The following LIN7A variants were observed in gnomAD, a reference collection of about 807,000 sequenced individuals.
LIN7A encodes the protein lin-7 cell polarity scaffold A, also known as protein lin-7 homolog A.
Under a neutral mutation model 29.8 loss-of-function variants are expected in LIN7A, and 25 were observed. The ratio of observed to expected loss-of-function variants is 0.84; its 90% CI spans 0.61 to 1.17. LIN7A has a LOEUF of 1.17. Ranked by LOEUF, LIN7A falls within the 50% of genes most tolerant of loss-of-function variation. LIN7A has a pLI of 0.00. For synonymous variants in LIN7A, 118 were observed against 107.5 expected, an observed-to-expected ratio of 1.10 and a Z score of -0.60; for missense variants, 239 against 287.0, an observed-to-expected ratio of 0.83 and a Z score of 1.21.
chr12:80,872,446 C>T (rs1874470027), intron 2 of LIN7A, among the ~76,000 whole-genome samples: 1 of 152,136 alleles, frequency 6.6e-6, no homozygotes, highest in Non-Finnish European at 1.5e-5. Flanking sequence ...GAATCACACT[C>T]ATAATTACAA....
chr12:80,816,272 C>T lies in LIN7A; in HGVS notation c.484-4589G>A, dbSNP rs368671440. ...ATTTTTATTTTTTAAATAGCTGGGG[C>T]GAGTGGCATGTGTCTGTGGTCCCAA... On this transcript the variant is annotated intron_variant, in intron 4 of 5. Coordinates refer to ENST00000552864, the MANE Select transcript of LIN7A (RefSeq NM_004664.4). Among the ~76,000 whole-genome samples, 17 of 151,944 alleles carry T rather than the reference C, an allele frequency of 1.1e-4. 1 individual carries two copies. Among genetic ancestry groups the T allele is most frequent in the Middle Eastern group, 3.4e-3 (1 of 294 alleles).
intron 3 of LIN7A, among the ~76,000 whole-genome samples, chr12:80,847,479 T>A (rs1333905466): frequency 6.6e-6 from 1 of 152,180 alleles, no homozygotes; most frequent in Non-Finnish European, 1.5e-5. Flanking sequence ...CACAAAATAA[T>A]TAAATGGAAA....
At chr12:80,924,403 G>A (rs1442314206) in intron 1 of LIN7A, among the ~76,000 whole-genome samples, 1 of 152,218 alleles carries the variant, frequency 6.6e-6, no homozygotes. Flanking sequence ...CCCCTGGGGA[G>A]AAGAGGTGGA....
At position 80,797,260 on chromosome 12, in the gene LIN7A, A is replaced by G. The variant is rs1006365209; in HGVS notation, c.*467T>C. The G allele has an allele frequency of 2.0e-5, 3 of 152,348 alleles. No homozygotes were observed. The highest frequency in any genetic ancestry group is 4.4e-5 in the Non-Finnish European group (3 of 68,040). 9.4% of individuals were successfully genotyped at this position (152,348 alleles called of 1,614,324 possible). On this transcript the variant is annotated 3_prime_UTR_variant, in exon 6 of 6. Coordinates refer to ENST00000552864, the MANE Select transcript of LIN7A (RefSeq NM_004664.4). ...GGAATTCCAATTCAGACAACTCAGCACTATGGATTGTGGAGCAGGTGAGGG... is the reference window on the plus strand; with the variant it reads ...GGAATTCCAATTCAGACAACTCAGCGCTATGGATTGTGGAGCAGGTGAGGG...
intron 5 of LIN7A, among the ~76,000 whole-genome samples, chr12:80,801,309 G>A (rs1031554158): frequency 6.6e-6 from 1 of 152,094 alleles, no homozygotes; most frequent in African/African-American, 2.4e-5. Flanking sequence ...AAGTGAAAGA[G>A]GGGGACAGAA....
chr12:80,873,806 AT>A (rs1053769845), intron 2 of LIN7A, among the ~76,000 whole-genome samples: 1 of 142,520 alleles, frequency 7.0e-6, no homozygotes, highest in African/African-American at 2.6e-5. Context: ...GGTATCTTAT[AT>A]TTTTTTTATT....
intron 5 of LIN7A, among the ~76,000 whole-genome samples, chr12:80,801,305 AAG>A (rs1870709375): frequency 6.6e-6 from 1 of 152,168 alleles, no homozygotes; most frequent in South Asian, 2.1e-4. Context: ...ACAAAAGTGA[AAG>A]AGGGGGACAG....
intron 1 of LIN7A, among the ~76,000 whole-genome samples, chr12:80,918,529 C>A (rs1432522923): frequency 6.6e-6 from 1 of 152,136 alleles, no homozygotes; most frequent in Non-Finnish European, 1.5e-5. Context: ...CATCTCCCTT[C>A]ATCTACTCTT....
chr12:80,889,025 C>G (rs1382852421), intron 2 of LIN7A, among the ~76,000 whole-genome samples: 1 of 152,090 alleles, frequency 6.6e-6, no homozygotes, highest in African/African-American at 2.4e-5. Context: ...GCAGTCCCTT[C>G]ATTGGTACCA....
chr12:80,854,576 C>G (rs1199951072), intron 2 of LIN7A, among the ~76,000 whole-genome samples: 1 of 146,084 alleles, frequency 6.8e-6, no homozygotes, highest in East Asian at 2.1e-4. Context: ...GAAAGCAGAT[C>G]AAAGGCTGCC....
At chr12:80,899,378 T>G (rs980361257) in intron 1 of LIN7A, among the ~76,000 whole-genome samples, 2 of 152,284 alleles carry the variant, frequency 1.3e-5, no homozygotes, top group South Asian at 4.1e-4. Context: ...CTGGAGTTAG[T>G]TTGTTTACAT....
chr12:80,824,850 G>A (rs981236888), intron 4 of LIN7A, among the ~76,000 whole-genome samples: 1 of 152,182 alleles, frequency 6.6e-6, no homozygotes, highest in Non-Finnish European at 1.5e-5. Flanking sequence ...AATCGGCATA[G>A]AAGGGACATA....
intron 1 of LIN7A, among the ~76,000 whole-genome samples, chr12:80,927,155 CTTTTTTTTTTTTT>C (rs929026269): frequency 1.3e-5 from 1 of 75,532 alleles, no homozygotes; most frequent in Non-Finnish European, 2.3e-5. Flanking sequence ...TTTTCTTTTT[CTTTTTTTTTTTTT>C]TTTTTTTTTT....
intron 4 of LIN7A, among the ~76,000 whole-genome samples, chr12:80,833,932 T>C (rs1252131069): frequency 6.6e-6 from 1 of 152,188 alleles, no homozygotes; most frequent in Non-Finnish European, 1.5e-5. Flanking sequence ...CTCCTCTAGA[T>C]TGCCATCTTT....
chr12:80,834,581 C>G (rs1215059340), intron 4 of LIN7A, among the ~76,000 whole-genome samples: 2 of 152,078 alleles, frequency 1.3e-5, no homozygotes, highest in Non-Finnish European at 2.9e-5. Flanking sequence ...TTGAAACAGC[C>G]CATACCTCCT....
chr12:80,843,056 T>A (rs944209574), intron 4 of LIN7A, among the ~76,000 whole-genome samples: 13 of 152,170 alleles, frequency 8.5e-5, no homozygotes, highest in African/African-American at 3.1e-4. Flanking sequence ...GATGCTTTAC[T>A]TATTAGCAAG....
chr12:80,838,795 C>T (rs1476873524), intron 4 of LIN7A, among the ~76,000 whole-genome samples: 5 of 152,192 alleles, frequency 3.3e-5, no homozygotes, highest in Non-Finnish European at 7.3e-5. Context: ...TATAGGGGAA[C>T]TGAAGACTGA....
intron 1 of LIN7A, among the ~76,000 whole-genome samples, chr12:80,926,772 A>G (rs1250734903): frequency 1.3e-5 from 2 of 151,994 alleles, no homozygotes; most frequent in African/African-American, 4.8e-5. Flanking sequence ...TACTAAAAAT[A>G]CAAGAAATTA....
chr12:80,848,028 TAATGA>T lies in LIN7A; in HGVS notation c.273+218_273+222del. ...GTGCCAAATGGACATTAAGTGAGTT[TAATGA>T]AATCATTCTCCTTTCTTAAGCTACA... is the stretch of plus-strand genomic sequence containing the variant. On this transcript the variant is annotated intron_variant, in intron 3 of 5. Transcript: ENST00000552864. The T allele has an allele frequency of 6.2e-6, 4 of 648,986 alleles. No homozygotes were observed. The East Asian group carries it at 1.2e-4, about 19-fold the overall frequency. 40.2% of individuals were successfully genotyped at this position (648,986 alleles called of 1,614,324 possible). A position where few individuals can be genotyped will look rare whatever the true frequency, so the allele number is the denominator to read the frequency against.
Sources: gnomAD v4.1 joint callset for allele counts (sites outside exome capture counted in the v4.1 genomes callset) on GRCh38, gnomAD v4.1.1 for gene constraint, MANE v1.5 for transcripts, NCBI Gene and HGNC (gene_info 2026-07-23, HGNC 2026-07-21) for gene names.